The following UNC45B variants were observed in gnomAD, a reference collection of about 807,000 sequenced individuals.
UNC45B encodes the protein unc-45 myosin chaperone B, also known as protein unc-45 homolog B.
In UNC45B, 78 loss-of-function variants were observed where a neutral mutation model predicts 98.7. The observed-to-expected ratio is 0.79, with a 90% CI of 0.66 to 0.95. The LOEUF (loss-of-function observed/expected upper bound fraction) is 0.95, where lower values mean the gene tolerates loss of function less well. UNC45B is among the 40% of genes least tolerant of loss of function. The probability of loss-of-function intolerance (pLI) is 0.00; values close to 1 mark genes in which losing one functional copy is unlikely to be tolerated. For synonymous variants in UNC45B, 462 were observed against 480.4 expected (o/e 0.96, Z 0.50); for missense variants, 1,225 against 1,184.9 (o/e 1.03, Z -0.50).
intron 1 of UNC45B, 22 bp from the exon 2 acceptor site, chr17:35,148,242 A>G (rs757907552): frequency 6.2e-7 from 1 of 1,613,616 alleles, no homozygotes; most frequent in Non-Finnish European, 8.5e-7. Context: ...CTGACCAGAC[A>G]GAGCTTCTCC....
At chr17:35,150,013 C>A in intron 3 of UNC45B, 35 bp from the exon 4 acceptor site, 1 of 1,551,266 alleles carries the variant, frequency 6.4e-7, no homozygotes, top group Non-Finnish European at 8.7e-7. Flanking sequence ...TAGTCTGGCT[C>A]CCTAAGGTCC....
At position 35,164,889 on chromosome 17, in the gene UNC45B, AT is replaced by A. The variant is rs570883756; in HGVS notation, c.1151+736del. Among the ~76,000 whole-genome samples the A allele has an allele frequency of 6.6e-3, 939 of 142,684 alleles. 8 individuals carry two copies. The highest frequency in any genetic ancestry group is 0.019 in the African/African-American group (753 of 39,082). The allele number at this position is 142,684 out of a possible 152,430, so 93.6% of individuals were successfully genotyped here. Reference sequence around the variant, plus strand: ...AGGCACTTGCCACCATGCTGGGCTAATTTTTTTTTTTTTCTGTCACCCGGGC... The same window carrying A: ...AGGCACTTGCCACCATGCTGGGCTAATTTTTTTTTTTTCTGTCACCCGGGC... On this transcript the variant is annotated intron_variant, in intron 9 of 19. Coordinates refer to ENST00000394570, the MANE Select transcript of UNC45B (RefSeq NM_001267052.2).
chr17:35,180,502 C>A, intron 17 of UNC45B, 57 bp from the exon 18 acceptor site: 1 of 1,443,468 alleles, frequency 6.9e-7, no homozygotes, highest in Non-Finnish European at 9.6e-7. Flanking sequence ...GCCAGAAAAC[C>A]CCTATGGTCA....
chr17:35,182,054 T>G (rs1017499255), intron 18 of UNC45B, among the ~76,000 whole-genome samples: 4 of 151,512 alleles, frequency 2.6e-5, no homozygotes, highest in African/African-American at 9.7e-5. Flanking sequence ...CATTTCTTGC[T>G]CACCATGTCA....
At chr17:35,182,869 G>C (rs938361362) in intron 18 of UNC45B, among the ~76,000 whole-genome samples, 3 of 151,976 alleles carry the variant, frequency 2.0e-5, no homozygotes, top group Non-Finnish European at 4.4e-5. Flanking sequence ...ATGCTGTGAG[G>C]GGTTAATACC....
chr17:35,163,867 T>C, intron 8 of UNC45B, 128 bp from the exon 9 acceptor site: 2 of 1,114,574 alleles, frequency 1.8e-6, no homozygotes, highest in Non-Finnish European at 1.2e-6. Context: ...CCTTTCATTC[T>C]GGATGAACCA....
At chr17:35,168,472 G>A in intron 10 of UNC45B, 111 bp downstream of exon 10, 1 of 953,432 alleles carries the variant, frequency 1.0e-6, no homozygotes. Context: ...CCAGGTTCAA[G>A]GGGGCACCAG....
intron 8 of UNC45B, among the ~76,000 whole-genome samples, chr17:35,163,559 C>T (rs1230662114): frequency 6.6e-6 from 1 of 152,116 alleles, no homozygotes; most frequent in East Asian, 1.9e-4. Flanking sequence ...AGTAGTGTGT[C>T]TGGATTGATA....
rs767233706 is a variant in UNC45B at position 35,159,485 on chromosome 17, G to A, written c.919G>A (p.Val307Ile). 6.2e-7 allele frequency: 1 copy of A among 1,614,170 alleles called. No homozygotes were observed. Among genetic ancestry groups the A allele is most frequent in the Non-Finnish European group, 8.5e-7 (1 of 1,180,022 alleles). The change falls in exon 8 of 20, where the codon GTT (valine) becomes ATT (isoleucine). Residue 307 changes from valine (V) to isoleucine (I), a missense_variant. Val to Ile is a conservative substitution (Grantham distance 29, BLOSUM62 3). Transcript: ENST00000394570. ...DQALNLLNKN[V>I]PRKDLAIHDN... ...GGCGCTGAACCTGCTCAATAAGAAT[G>A]TTCCCAGGAAGGACCTTGCCATTCA...
chr17:35,183,516 G>C lies in UNC45B; in HGVS notation c.2463G>C (p.Ala821=). 1 of 1,604,740 alleles carries C rather than the reference G, an allele frequency of 6.2e-7. No individual in the cohort carries two copies. Among genetic ancestry groups the C allele is most frequent in the South Asian group, 1.1e-5 (1 of 89,740 alleles). The part of the protein sequence containing the change: ...CGEDDDKVQN[A]AAGALAMLTA... Reference sequence around the variant, plus strand: ...AGGATGATGATAAGGTGCAGAATGCGGCTGCAGGGGCTCTGGCCATGCTGA... The same window carrying C: ...AGGATGATGATAAGGTGCAGAATGCCGCTGCAGGGGCTCTGGCCATGCTGA... Residue 821 remains alanine, a synonymous_variant, in exon 19 of 20, where the codon GCG becomes GCC. Coordinates refer to ENST00000394570, the MANE Select transcript of UNC45B (RefSeq NM_001267052.2).
At chr17:35,168,431 G>T in intron 10 of UNC45B, 70 bp downstream of exon 10, 1 of 1,265,482 alleles carries the variant, frequency 7.9e-7, no homozygotes, top group Non-Finnish European at 1.0e-6. Context: ...ACACCAAAAT[G>T]AATGAGTTGA....
chr17:35,166,659 A>C (rs1004773796), intron 9 of UNC45B, among the ~76,000 whole-genome samples: 1 of 152,136 alleles, frequency 6.6e-6, no homozygotes, highest in Non-Finnish European at 1.5e-5. Flanking sequence ...GTCAGACCGC[A>C]ACTAATTACG....
intron 8 of UNC45B, among the ~76,000 whole-genome samples, chr17:35,162,074 T>TTTG (rs940186608): frequency 9.2e-5 from 14 of 152,176 alleles, no homozygotes; most frequent in Non-Finnish European, 1.9e-4. Flanking sequence ...AGTTTCTGTT[T>TTTG]TTGTTGTTGT....
chr17:35,175,432 T>A (rs1394435397), intron 14 of UNC45B, among the ~76,000 whole-genome samples: 4 of 152,044 alleles, frequency 2.6e-5, no homozygotes, highest in Non-Finnish European at 5.9e-5. Context: ...GGTGGGCAGC[T>A]GGTAAGGCCT....
Position 35,148,316 on chromosome 17 carries a change from A to T in UNC45B, c.53A>T (p.Gln18Leu). ...AAGGAGGAAGGAAACCGGCATTTCC[A>T]GCTCCAGGACTACAAGGCCGCCACA... ...QLKEEGNRHF[Q>L]LQDYKAATNS... The change falls in exon 2 of 20, where the codon CAG (glutamine) becomes CTG (leucine). Residue 18 changes from glutamine (Q) to leucine (L), a missense_variant. Transcript: ENST00000394570. 2 of 1,614,172 alleles carry T rather than the reference A, an allele frequency of 1.2e-6. No individual in the cohort carries two copies. The highest frequency in any genetic ancestry group is 1.7e-6 in the Non-Finnish European group (2 of 1,179,996).
rs575056526 is a variant in UNC45B at position 35,154,703 on chromosome 17, C to A, written c.601C>A (p.Arg201=). 1.9e-6 allele frequency: 3 copies of A among 1,606,110 alleles called. No individual in the cohort carries two copies. The highest frequency in any genetic ancestry group is 2.7e-5 in the African/African-American group (2 of 74,572). Residue 201 remains arginine (R), a synonymous_variant, in exon 6 of 20, where the codon CGG becomes AGG. Coordinates refer to ENST00000394570, the MANE Select transcript of UNC45B (RefSeq NM_001267052.2). The part of the protein sequence containing the change: ...KKPELVLAAV[R]TLSGMCSGHQ... The stretch of plus-strand genomic sequence containing the variant: ...GCCTGAGCTGGTGCTGGCTGCAGTG[C>A]GGACCCTGTCGGGCATGTGCAGCGG...
chr17:35,155,306 T>A lies in UNC45B; in HGVS notation c.650T>A (p.Ile217Asn), dbSNP rs148389773. 165 of 1,613,906 alleles carry A rather than the reference T, an allele frequency of 1.0e-4. No individual in the cohort carries two copies. The highest frequency in any genetic ancestry group is 1.7e-5 in the Non-Finnish European group (20 of 1,179,982). Residue 217 changes from isoleucine (I) to asparagine (N), a missense_variant, in exon 7 of 20, where the codon ATT (isoleucine) becomes AAT (asparagine). Ile to Asn is a moderately radical substitution (Grantham distance 149). Transcript: ENST00000394570. ...TTGCTGGGGTTCTAGGCCACAGTGA[T>A]TCTGCATGCAGTGCGGATAGACCGA... ...CSGHQARATVILHAVRIDRIC... is the reference protein window; with the variant it reads ...CSGHQARATVNLHAVRIDRIC...
At chr17:35,166,707 A>G (rs898841142) in intron 9 of UNC45B, among the ~76,000 whole-genome samples, 2 of 152,128 alleles carry the variant, frequency 1.3e-5, no homozygotes, top group Non-Finnish European at 2.9e-5. Context: ...TGGAGAGATG[A>G]GGCACAGGAC....
At chr17:35,166,076 C>A (rs528753577) in intron 9 of UNC45B, among the ~76,000 whole-genome samples, 2 of 81,034 alleles carry the variant, frequency 2.5e-5, no homozygotes, top group East Asian at 3.1e-4. Context: ...TGTAGAGAGA[C>A]CCTCATCTCT....
Sources: gnomAD v4.1 joint callset for allele counts (sites outside exome capture counted in the v4.1 genomes callset) on GRCh38, gnomAD v4.1.1 for gene constraint, MANE v1.5 for transcripts, NCBI Gene and HGNC (gene_info 2026-07-23, HGNC 2026-07-21) for gene names.